The following MYADM variants were observed in gnomAD, a reference collection of about 807,000 sequenced individuals.
MYADM encodes myeloid associated differentiation marker.
For missense variants in MYADM, 416 were observed against 443.4 expected, an observed-to-expected ratio of 0.94 and a Z score of 0.56; for synonymous variants, 224 against 210.2, an observed-to-expected ratio of 1.07 and a Z score of -0.57.
intron 2 of MYADM, among the ~76,000 whole-genome samples, chr19:53,872,521 T>A (rs2068413051): frequency 6.6e-6 from 1 of 151,702 alleles, no homozygotes; most frequent in Admixed American, 6.6e-5. Context: ...AAATTTTTTT[T>A]TTTTGAGTCA....
At chr19:53,871,741 G>C (rs899916720) in intron 2 of MYADM, among the ~76,000 whole-genome samples, 1 of 152,024 alleles carries the variant, frequency 6.6e-6, no homozygotes, top group Non-Finnish European at 1.5e-5. Context: ...TTGCTCACAG[G>C]GTCTGGGGTG....
intron 2 of MYADM, among the ~76,000 whole-genome samples, chr19:53,870,722 C>A (rs1164610910): frequency 6.6e-6 from 1 of 152,116 alleles, no homozygotes; most frequent in Admixed American, 6.6e-5. Context: ...TGGGTTTAGT[C>A]CTGTGGCTGC....
chr19:53,867,845 G>A (rs1005087600), upstream of MYADM: 4 of 82,040 alleles, frequency 4.9e-5, no homozygotes, highest in African/African-American at 1.8e-4. Context: ...CGTCCCGCCC[G>A]CGCTGGCTCC....
chr19:53,873,750 T>C lies in MYADM; in HGVS notation c.221T>C (p.Phe74Ser). ...AACTGGTCCATGTTCACCTGGTGCT[T>C]CTGCTTCTCCGTGACCCTGATCATC... Reference protein sequence around the residue: ...MGNWSMFTWCFCFSVTLIILI... With the variant: ...MGNWSMFTWCSCFSVTLIILI... Residue 74 changes from phenylalanine (F) to serine (S), a missense_variant, in exon 3 of 3, where the codon TTC (phenylalanine) becomes TCC (serine). By Grantham distance (155) the Phe-to-Ser change is radical. Transcript: ENST00000391770. The surrounding 1 kb of genome is among the most constrained non-coding windows in gnomAD (Gnocchi z 4.3). The C allele has an allele frequency of 6.2e-7, 1 of 1,614,036 alleles. No homozygotes were observed.
Position 53,874,174 on chromosome 19 carries a change from C to G in MYADM, c.645C>G (p.Ile215Met), listed in dbSNP as rs2068466262. The change falls in exon 3 of 3, where the codon ATC becomes ATG. Residue 215 changes from isoleucine (I) to methionine (M), a missense_variant. By Grantham distance (10) the Ile-to-Met change is conservative. Coordinates refer to ENST00000391770, the MANE Select transcript of MYADM (RefSeq NM_138373.5). ...WCVAVYAICF[I>M]LAAIAILLNL... ...TGGCGGTGTACGCCATCTGCTTCATCCTAGCGGCCATCGCCATCCTGCTGA... is the reference window on the plus strand; with the variant it reads ...TGGCGGTGTACGCCATCTGCTTCATGCTAGCGGCCATCGCCATCCTGCTGA... 1 of 1,613,844 alleles carries G rather than the reference C, an allele frequency of 6.2e-7. No homozygotes were observed. The highest frequency in any genetic ancestry group is 1.3e-5 in the African/African-American group (1 of 74,950).
In MYADM at chr19:53,875,655, C is replaced by A. The variant is rs1408947241; in HGVS notation, c.*1157C>A. The stretch of plus-strand genomic sequence containing the variant: ...TCTGAAGTCAGGAGTTCAAGACCAG[C>A]CTGGCCAACATGGTGAAAGCATGTC... On this transcript the variant is annotated 3_prime_UTR_variant, in exon 3 of 3. Transcript: ENST00000391770. The A allele has an allele frequency of 3.8e-5, 6 of 157,780 alleles. No individual in the cohort carries two copies. Among genetic ancestry groups the A allele is most frequent in the African/African-American group, 1.2e-4 (5 of 41,254 alleles). 9.8% of individuals were successfully genotyped at this position (157,780 alleles called of 1,614,324 possible).
In MYADM at chr19:53,874,497, A is replaced by C. The variant is rs1193947426; in HGVS notation, c.968A>C (p.Ter323SerextTer84). Residue 323 changes from the stop codon to serine, a stop_lost, in exon 3 of 3, where the codon TAA becomes TCA. Transcript: ENST00000391770. ...GCCCACCTGGTTTTTGTCAAGGTCT[A>C]AGACTCTCCCAAGAGGCTCCCGTTC... is the stretch of plus-strand genomic sequence containing the variant. Reference protein sequence around the residue: ...HSAHLVFVKV* With the variant: ...HSAHLVFVKVS 1 of 1,593,648 alleles carries C rather than the reference A, an allele frequency of 6.3e-7. No individual in the cohort carries two copies.
chr19:53,874,037 G>A lies in MYADM; in HGVS notation c.508G>A (p.Ala170Thr). 1 of 1,609,246 alleles carries A rather than the reference G, an allele frequency of 6.2e-7. No individual in the cohort carries two copies. The highest frequency in any genetic ancestry group is 2.2e-5 in the East Asian group (1 of 44,874). Residue 170 changes from alanine to threonine, a missense_variant, in exon 3 of 3, where the codon GCC becomes ACC. Coordinates refer to ENST00000391770, the MANE Select transcript of MYADM (RefSeq NM_138373.5). ...ARPGEITGYM[A>T]TVPGLLKVLE... is the part of the protein sequence containing the mutation. ...GCCCGGCGAGATCACTGGCTATATGGCCACCGTACCCGGGCTGCTGAAGGT... is the reference window on the plus strand; with the variant it reads ...GCCCGGCGAGATCACTGGCTATATGACCACCGTACCCGGGCTGCTGAAGGT...
intron 2 of MYADM, among the ~76,000 whole-genome samples, chr19:53,870,386 TG>T (rs2068356818): frequency 1.6e-5 from 1 of 61,712 alleles, no homozygotes. Context: ...CCTGGGCTCC[TG>T]GGTCTGAGGG....
chr19:53,873,983 G>A lies in MYADM; in HGVS notation c.454G>A (p.Ala152Thr), dbSNP rs940848866. 2.5e-6 allele frequency: 4 copies of A among 1,609,186 alleles called. No individual in the cohort carries two copies. Among genetic ancestry groups the A allele is most frequent in the South Asian group, 1.1e-5 (1 of 91,086 alleles). The part of the protein sequence containing the change: ...FFSCIACVAY[A>T]TEVAWTRARP... ...CTCCTGCATCGCGTGTGTGGCTTAC[G>A]CCACCGAAGTGGCCTGGACCCGGGC... is the stretch of plus-strand genomic sequence containing the variant. Residue 152 changes from alanine to threonine, a missense_variant, in exon 3 of 3, where the codon GCC becomes ACC. Transcript: ENST00000391770. The surrounding 1 kb of genome is among the most constrained non-coding windows in gnomAD (Gnocchi z 4.3).
rs3835132 is a variant in MYADM at position 53,875,199 on chromosome 19, C to CGTGTGTGTGTGTGTGTGTGTGT, written c.*712_*733dup. 2 of 135,666 alleles carry CGTGTGTGTGTGTGTGTGTGTGT rather than the reference C, an allele frequency of 1.5e-5. No individual in the cohort carries two copies. The highest frequency in any genetic ancestry group is 6.8e-5 in the African/African-American group (2 of 29,378). The allele number at this position is 135,666 out of a possible 1,614,324, so 8.4% of individuals were successfully genotyped here. ...CTCGCTGTGCCTTAGTCAGTGTGTACGTGTGTGTGTGTGTGTGTGTGTGTG... is the reference window on the plus strand; with the variant it reads ...CTCGCTGTGCCTTAGTCAGTGTGTACGTGTGTGTGTGTGTGTGTGTGTGTGTGTGTGTGTGTGTGTGTGTGTG... On this transcript the variant is annotated 3_prime_UTR_variant, in exon 3 of 3. Coordinates refer to ENST00000391770, the MANE Select transcript of MYADM (RefSeq NM_138373.5).
At chr19:53,869,112 A>G (rs1412822185) in intron 1 of MYADM, 1 of 152,230 alleles carries the variant, frequency 6.6e-6, no homozygotes, top group African/African-American at 2.4e-5. Context: ...CCGAATGGCG[A>G]TTAGGGAGGC....
In MYADM at chr19:53,876,337, A is replaced by G. The variant is rs1024085120; in HGVS notation, c.*1839A>G. The G allele has an allele frequency of 1.2e-5, 2 of 166,290 alleles. No homozygotes were observed. The highest frequency in any genetic ancestry group is 2.4e-5 in the African/African-American group (1 of 41,242). The allele number at this position is 166,290 out of a possible 1,614,324, so 10.3% of individuals were successfully genotyped here. On this transcript the variant is annotated 3_prime_UTR_variant, in exon 3 of 3. Coordinates refer to ENST00000391770, the MANE Select transcript of MYADM (RefSeq NM_138373.5). Reference sequence around the variant, plus strand: ...TAAATCCCTGGAGCTTCTGGTTCCTATCAGTTCCTGTTGTTAATCGTAGAA... The same window carrying G: ...TAAATCCCTGGAGCTTCTGGTTCCTGTCAGTTCCTGTTGTTAATCGTAGAA...
Position 53,873,574 on chromosome 19 carries a change from G to T in MYADM, c.45G>T (p.Thr15=). The T allele has an allele frequency of 6.2e-7, 1 of 1,611,758 alleles. No individual in the cohort carries two copies. The highest frequency in any genetic ancestry group is 8.5e-7 in the Non-Finnish European group (1 of 1,178,584). ...VTRTTITTTT[T]SSSGLGSPMI... ...GCACCACCATCACAACCACCACGAC[G>T]TCATCTTCGGGCCTGGGGTCCCCCA... Residue 15 remains threonine, a synonymous_variant, in exon 3 of 3, where the codon ACG becomes ACT. Transcript: ENST00000391770. The surrounding 1 kb of genome is among the most constrained non-coding windows in gnomAD (Gnocchi z 4.3).
intron 1 of MYADM, chr19:53,869,420 C>T (rs1424291649): frequency 1.3e-5 from 2 of 152,320 alleles, no homozygotes; most frequent in Non-Finnish European, 2.9e-5. Flanking sequence ...ACTCGAAGCC[C>T]TTATAAGGCG....
At chr19:53,869,442 G>A (rs1416626651) in intron 1 of MYADM, 3 of 152,600 alleles carry the variant, frequency 2.0e-5, no homozygotes, top group Non-Finnish European at 4.4e-5. Context: ...GGAGACACCG[G>A]CTCTGGCTGG....
upstream of MYADM, among the ~76,000 whole-genome samples, chr19:53,866,646 G>A (rs2068250133): frequency 6.6e-6 from 1 of 151,976 alleles, no homozygotes; most frequent in South Asian, 2.1e-4. The surrounding 1 kb of genome is among the most constrained non-coding windows in gnomAD (Gnocchi z 4.3). Flanking sequence ...CAGGATCCGT[G>A]AATCCAGAGC....
At chr19:53,870,949 G>T (rs1371783803) in intron 2 of MYADM, among the ~76,000 whole-genome samples, 1 of 152,174 alleles carries the variant, frequency 6.6e-6, no homozygotes. Flanking sequence ...GGACGGTGAT[G>T]GCCAGGCGCA....
chr19:53,873,627 C>T lies in MYADM; in HGVS notation c.98C>T (p.Thr33Ile), dbSNP rs745714233. 6 of 1,614,196 alleles carry T rather than the reference C, an allele frequency of 3.7e-6. No individual in the cohort carries two copies. Among genetic ancestry groups the T allele is most frequent in the Non-Finnish European group, 4.2e-6 (5 of 1,180,032 alleles). Residue 33 changes from threonine (T) to isoleucine (I), a missense_variant, in exon 3 of 3, where the codon ACA becomes ATA. By Grantham distance (89) the Thr-to-Ile change is moderately conservative (BLOSUM62 -1). Transcript: ENST00000391770. The surrounding 1 kb of genome is among the most constrained non-coding windows in gnomAD (Gnocchi z 4.3). Reference sequence around the variant, plus strand: ...ATCGTGGGGTCCCCTCGGGCCCTGACACAGCCCCTGGGTCTCCTTCGCCTG... The same window carrying T: ...ATCGTGGGGTCCCCTCGGGCCCTGATACAGCCCCTGGGTCTCCTTCGCCTG... ...PMIVGSPRAL[T>I]QPLGLLRLLQ...
Sources: gnomAD v4.1 joint callset for allele counts (sites outside exome capture counted in the v4.1 genomes callset) on GRCh38, gnomAD v4.1.1 for gene constraint, Gnocchi (gnomAD v3.1) non-coding constraint, MANE v1.5 for transcripts, NCBI Gene and HGNC (gene_info 2026-07-23, HGNC 2026-07-21) for gene names.